Variants in ALK observed in about 807,000 individuals in gnomAD.
The protein encoded by ALK is ALK receptor tyrosine kinase, also known as ALK tyrosine kinase receptor.
Under a neutral mutation model 163.1 loss-of-function variants are expected in ALK, and 74 were observed. That is an observed-to-expected ratio of 0.45 (90% CI 0.38 to 0.55). ALK has a LOEUF of 0.55. Among genes scored for constraint, ALK ranks in the 20% least tolerant of loss-of-function variants. The pLI, the probability that ALK is intolerant of heterozygous loss-of-function variation, is 0.00. For synonymous variants in ALK, 960 were observed against 843.2 expected (o/e 1.14, Z -2.40); for missense variants, 2,063 against 2,105.3 (o/e 0.98, Z 0.39).
chr2:29,374,281 A>T (rs1668702436), intron 5 of ALK, among the ~76,000 whole-genome samples: 2 of 152,236 alleles, frequency 1.3e-5, no homozygotes, highest in Admixed American at 1.3e-4. Context: ...TCCTGATGAG[A>T]AAATGAAAAC....
intron 3 of ALK, among the ~76,000 whole-genome samples, chr2:29,618,533 C>T (rs976094488): frequency 6.6e-6 from 1 of 151,730 alleles, no homozygotes; most frequent in African/African-American, 2.4e-5. Context: ...GGAGAGGGTC[C>T]CCTCCCTGTG....
chr2:29,650,946 T>C (rs1005575107), intron 3 of ALK, among the ~76,000 whole-genome samples: 1 of 152,110 alleles, frequency 6.6e-6, no homozygotes, highest in African/African-American at 2.4e-5. Context: ...GATAATTCAA[T>C]TGGAAAATTG....
intron 4 of ALK, among the ~76,000 whole-genome samples, chr2:29,510,145 G>A (rs184438873): frequency 2.0e-5 from 3 of 152,110 alleles, no homozygotes; most frequent in African/African-American, 7.2e-5. Flanking sequence ...AAGGCTGCTG[G>A]GTAAGCAGAG....
intron 14 of ALK, 86 bp downstream of exon 14, chr2:29,233,479 A>G: frequency 6.3e-7 from 1 of 1,579,130 alleles, no homozygotes; most frequent in Non-Finnish European, 8.7e-7. Context: ...AGAGCATCTG[A>G]GGTGTTTCTA....
chr2:29,689,970 G>A (rs949532605), intron 3 of ALK, among the ~76,000 whole-genome samples: 2 of 152,202 alleles, frequency 1.3e-5, no homozygotes, highest in African/African-American at 4.8e-5. Flanking sequence ...GCCTCCGGGA[G>A]GTACTAACCC....
intron 25 of ALK, chr2:29,208,136 A>G (rs1669363968): frequency 6.9e-6 from 3 of 434,682 alleles, no homozygotes; most frequent in South Asian, 4.8e-5. Context: ...ATTGCAATAT[A>G]GAAAACACAG....
At chr2:29,917,602 G>T (rs1667867563) in intron 1 of ALK, among the ~76,000 whole-genome samples, 1 of 152,168 alleles carries the variant, frequency 6.6e-6, no homozygotes, top group Admixed American at 6.5e-5. Flanking sequence ...AATGAGGCTG[G>T]GGAGGCAATG....
Position 29,222,401 on chromosome 2 carries a change from G to C in ALK, c.3458C>G (p.Pro1153Arg), listed in dbSNP as rs917295547. The C allele has an allele frequency of 1.9e-6, 3 of 1,614,022 alleles. No homozygotes were observed. The highest frequency in any genetic ancestry group is 1.6e-4 in the Middle Eastern group (1 of 6,084). The change falls in exon 22 of 29, where the codon CCT (proline) becomes CGT (arginine). Residue 1153 changes from proline (P) to arginine (R), a missense_variant. By Grantham distance (103) the Pro-to-Arg change is moderately radical (BLOSUM62 -2). Coordinates refer to ENST00000389048, the MANE Select transcript of ALK (RefSeq NM_004304.5). ...TTCGTCCTGTTCAGAGCACACTTCA[G>C]GCAGCGTCTGGGCAGAGAAGGGGAG... ...SPLQVAVKTL[P>R]EVCSEQDELD...
chr2:29,514,933 C>T (rs1672622713), intron 4 of ALK, among the ~76,000 whole-genome samples: 1 of 152,224 alleles, frequency 6.6e-6, no homozygotes, highest in Admixed American at 6.5e-5. Context: ...CATCCTTAAA[C>T]TCTACATCAG....
At chr2:29,633,764 G>T (rs114610985) in intron 3 of ALK, among the ~76,000 whole-genome samples, 1 of 151,944 alleles carries the variant, frequency 6.6e-6, no homozygotes. Context: ...CATCAAAAGC[G>T]TAATAAGGGA....
chr2:29,604,385 T>A lies in ALK; in HGVS notation c.953-72269A>T, dbSNP rs73921119. 2.9e-3 allele frequency among the ~76,000 whole-genome samples: 448 copies of A among 152,266 alleles called. 1 individual carries two copies. Among genetic ancestry groups the A allele is most frequent in the African/African-American group, 0.01 (433 of 41,548 alleles). On this transcript the variant is annotated intron_variant, in intron 3 of 28. Transcript: ENST00000389048. ...AGAAAAAAGAAGCAGAGAAGGGCCA[T>A]GCTGAAGTTCACACATGTGTCAGGG...
chr2:29,796,709 A>G (rs751165642), intron 1 of ALK, among the ~76,000 whole-genome samples: 3 of 152,170 alleles, frequency 2.0e-5, no homozygotes, highest in Non-Finnish European at 2.9e-5. Context: ...CTAGCTATTC[A>G]GCAGCTGTTC....
intron 3 of ALK, among the ~76,000 whole-genome samples, chr2:29,550,657 C>CTA (rs1673691762): frequency 6.6e-6 from 1 of 152,136 alleles, no homozygotes; most frequent in South Asian, 2.1e-4. Flanking sequence ...CAATGTCAGA[C>CTA]TACATCTCAA....
chr2:29,910,834 A>C (rs1667681046), intron 1 of ALK, among the ~76,000 whole-genome samples: 1 of 152,204 alleles, frequency 6.6e-6, no homozygotes, highest in Non-Finnish European at 1.5e-5. Flanking sequence ...ATTAAATATT[A>C]AAGGCTAAAG....
chr2:29,422,399 C>T (rs1285602174), intron 4 of ALK, among the ~76,000 whole-genome samples: 1 of 151,262 alleles, frequency 6.6e-6, no homozygotes, highest in Non-Finnish European at 1.5e-5. Context: ...CAGATGAAAC[C>T]TCATCCCTGA....
intron 8 of ALK, among the ~76,000 whole-genome samples, chr2:29,301,668 T>G (rs1666374154): frequency 6.6e-6 from 1 of 152,204 alleles, no homozygotes; most frequent in Non-Finnish European, 1.5e-5. Flanking sequence ...TCCCTGGAAC[T>G]TTACAGTTTA....
At chr2:29,893,458 A>G (rs1351307254) in intron 1 of ALK, among the ~76,000 whole-genome samples, 1 of 152,222 alleles carries the variant, frequency 6.6e-6, no homozygotes, top group African/African-American at 2.4e-5. Context: ...GGCCAGGGAA[A>G]CTATAAAGAG....
chr2:29,649,187 T>A (rs983105925), intron 3 of ALK, among the ~76,000 whole-genome samples: 3 of 150,572 alleles, frequency 2.0e-5, no homozygotes, highest in African/African-American at 7.4e-5. Flanking sequence ...GAGGTTACAA[T>A]GTGTGTGTGT....
At chr2:29,441,066 G>A (rs1175948628) in intron 4 of ALK, among the ~76,000 whole-genome samples, 1 of 152,182 alleles carries the variant, frequency 6.6e-6, no homozygotes, top group Non-Finnish European at 1.5e-5. Flanking sequence ...CTGCAGGCCG[G>A]GTCTGGCCAT....
Sources: allele counts gnomAD v4.1 joint callset (sites outside exome capture counted in the v4.1 genomes callset), GRCh38; gene constraint gnomAD v4.1.1; transcripts MANE v1.5; gene names NCBI Gene and HGNC (gene_info 2026-07-23, HGNC 2026-07-21).